Variants in MYH1 observed in about 807,000 individuals in gnomAD.
MYH1 encodes the protein myosin-1.
MYH1 carries 214 observed loss-of-function variants against 225.6 expected under a neutral mutation model. The observed-to-expected ratio is 0.95, with a 90% CI of 0.85 to 1.06. The LOEUF is 1.06. Ranked by LOEUF, MYH1 falls within the 50% of genes least tolerant of loss-of-function variation. The pLI is 0.00. For synonymous variants in MYH1, 774 were observed against 842.3 expected (o/e 0.92, Z 1.40); for missense variants, 2,098 against 2,344.2 (o/e 0.89, Z 2.17).
intron 9 of MYH1, 99 bp downstream of exon 9, chr17:10,513,527 G>T: frequency 8.5e-7 from 1 of 1,176,252 alleles, no homozygotes; most frequent in Non-Finnish European, 1.3e-6. Context: ...GCAGCAGACT[G>T]GTGCTTTACA....
At chr17:10,496,647 T>A (rs1398139045) in intron 33 of MYH1, 98 bp from the exon 34 acceptor site, 1 of 1,556,066 alleles carries the variant, frequency 6.4e-7, no homozygotes, top group Non-Finnish European at 8.7e-7. Flanking sequence ...TATTTATAAA[T>A]AGATTTCTAA....
chr17:10,508,006 T>TG, intron 16 of MYH1, 50 bp from the exon 17 acceptor site: 2 of 1,006,518 alleles, frequency 2.0e-6, no homozygotes, highest in Non-Finnish European at 1.4e-6. Context: ...CTGGTTATGG[T>TG]TTTTTTTTTT....
At chr17:10,500,826 T>G in intron 27 of MYH1, 74 bp from the exon 28 acceptor site, 1 of 1,591,424 alleles carries the variant, frequency 6.3e-7, no homozygotes, top group South Asian at 1.1e-5. Flanking sequence ...ATCTAAACAT[T>G]CCATATGAGC....
At chr17:10,500,976 C>G in intron 27 of MYH1, 134 bp downstream of exon 27, 1 of 1,419,346 alleles carries the variant, frequency 7.0e-7, no homozygotes, top group Non-Finnish European at 9.5e-7. Context: ...AACTACTTTA[C>G]TAAGTTGTAC....
chr17:10,505,168 T>C lies in MYH1; in HGVS notation c.2430A>G (p.Glu810=). 2 of 1,614,144 alleles carry C rather than the reference T, an allele frequency of 1.2e-6. No individual in the cohort carries two copies. Among genetic ancestry groups the C allele is most frequent in the Non-Finnish European group, 1.7e-6 (2 of 1,180,024 alleles). ...LARVEYQKMV[E]RRESIFCIQY... ...TAAAGAATTCTTATTAATACCTTCT[T>C]TCCACCATTTTCTGGTACTCCACTC... The change falls in exon 21 of 40, where the codon GAA becomes GAG. Residue 810 remains glutamate, a synonymous_variant. Transcript: ENST00000226207.
chr17:10,495,133 C>G (rs768940589), intron 36 of MYH1, 32 bp from the exon 37 acceptor site: 1 of 1,614,174 alleles, frequency 6.2e-7, no homozygotes, highest in Non-Finnish European at 8.5e-7. Flanking sequence ...TGGGTTAAGA[C>G]AGCTAAGACA....
chr17:10,502,011 C>G, intron 24 of MYH1, 100 bp from the exon 25 acceptor site: 1 of 1,214,306 alleles, frequency 8.2e-7, no homozygotes, highest in South Asian at 1.6e-5. Flanking sequence ...AACTATTTTT[C>G]TATGAATTAG....
chr17:10,492,724 A>T (rs12937314), intron 39 of MYH1, among the ~76,000 whole-genome samples, 156 bp from the exon 40 acceptor site: 2 of 149,374 alleles, frequency 1.3e-5, no homozygotes, highest in Admixed American at 6.7e-5. Flanking sequence ...ATTTTTTTTT[A>T]TTTTTGCATT....
chr17:10,513,598 AT>A (rs766563355), intron 9 of MYH1, 27 bp downstream of exon 9: 2 of 1,605,684 alleles, frequency 1.2e-6, no homozygotes, highest in East Asian at 4.5e-5. Flanking sequence ...TCATTCTTGG[AT>A]TCTATTTAGG....
rs202189914 is a variant in MYH1, at chr17:10,501,590, G to A, written c.3348+4C>T. ...ATTAGCCTGGCGAAAATCATTTAAC[G>A]TACTTGTAACTCCTTGATTTTCTTC... On this transcript the variant is annotated splice_donor_region_variant and intron_variant, in intron 26 of 39. Coordinates refer to ENST00000226207, the MANE Select transcript of MYH1 (RefSeq NM_005963.4). The A allele has an allele frequency of 4.3e-6, 7 of 1,614,176 alleles. No homozygotes were observed. Among genetic ancestry groups the A allele is most frequent in the Non-Finnish European group, 5.9e-6 (7 of 1,180,036 alleles).
intron 12 of MYH1, 48 bp from the exon 13 acceptor site, chr17:10,512,240 A>G (rs1387162775): frequency 1.3e-6 from 2 of 1,598,198 alleles, no homozygotes; most frequent in Non-Finnish European, 8.6e-7. Context: ...TCTGGGACCC[A>G]CAGTTCAAAG....
chr17:10,513,255 A>G (rs1271726420), intron 9 of MYH1, among the ~76,000 whole-genome samples: 3 of 152,198 alleles, frequency 2.0e-5, no homozygotes, highest in Admixed American at 6.5e-5. Context: ...TCCTGTCGCC[A>G]TATAATAGAG....
chr17:10,505,418 G>A lies in MYH1; in HGVS notation c.2268C>T (p.Asp756=), dbSNP rs377402025. 12 of 1,614,098 alleles carry A rather than the reference G, an allele frequency of 7.4e-6. No homozygotes were observed. The Admixed American group carries it at 1.2e-4, about 16-fold the overall frequency. ...SEKLLGSIDI[D]HTQYKFGHTK... ...TGTGACCAAATTTATACTGGGTGTG[G>A]TCAATGTCAATGGACCCCAGGAGCT... The change falls in exon 20 of 40, where the codon GAC becomes GAT. Residue 756 remains aspartate (D), a synonymous_variant. Coordinates refer to ENST00000226207, the MANE Select transcript of MYH1 (RefSeq NM_005963.4).
intron 30 of MYH1, 30 bp from the exon 31 acceptor site, chr17:10,497,947 G>A: frequency 6.4e-7 from 1 of 1,567,972 alleles, no homozygotes; most frequent in Non-Finnish European, 8.6e-7. Context: ...AAAGTGAATG[G>A]CTGTCAACTG....
chr17:10,497,638 A>G (rs1397303042), intron 31 of MYH1, 96 bp downstream of exon 31: 1 of 1,543,930 alleles, frequency 6.5e-7, no homozygotes, highest in East Asian at 2.2e-5. Context: ...AGAGCTACTG[A>G]GAACAGCCCT....
chr17:10,507,829 C>A, intron 17 of MYH1, 57 bp downstream of exon 17: 1 of 1,472,292 alleles, frequency 6.8e-7, no homozygotes. Context: ...TTCCCCCACA[C>A]CATAGAGTAC....
chr17:10,492,829 G>T (rs2072948890), intron 39 of MYH1, among the ~76,000 whole-genome samples: 2 of 150,510 alleles, frequency 1.3e-5, no homozygotes, highest in Non-Finnish European at 2.9e-5. Flanking sequence ...TACTAAATAT[G>T]CCAGGTGTCC....
intron 14 of MYH1, among the ~76,000 whole-genome samples, chr17:10,510,664 C>T (rs1028581902): frequency 6.6e-6 from 1 of 152,128 alleles, no homozygotes; most frequent in Non-Finnish European, 1.5e-5. Context: ...ATGAATCTGG[C>T]AAGCATATGC....
chr17:10,494,426 A>T lies in MYH1; in HGVS notation c.5595T>A (p.Ile1865=), dbSNP rs959607445. The T allele has an allele frequency of 6.2e-7, 1 of 1,614,150 alleles. No individual in the cohort carries two copies. The highest frequency in any genetic ancestry group is 2.2e-5 in the East Asian group (1 of 44,874). The change falls in exon 39 of 40, where the codon ATT becomes ATA. Residue 1865 remains isoleucine (I), a synonymous_variant. Coordinates refer to ENST00000226207, the MANE Select transcript of MYH1 (RefSeq NM_005963.4). ...TYQTEEDRKN[I]LRLQDLVDKL... ...TGTCCACCAGGTCCTGGAGCCTGAG[A>T]ATATTCTTGCGGTCTTCCTCAGTCT...
Sources: gnomAD v4.1 joint callset for allele counts (sites outside exome capture counted in the v4.1 genomes callset) on GRCh38, gnomAD v4.1.1 for gene constraint, MANE v1.5 for transcripts, NCBI Gene and HGNC (gene_info 2026-07-23, HGNC 2026-07-21) for gene names.